Variants in ROBO2 observed in about 807,000 individuals in gnomAD.
The protein encoded by ROBO2 is roundabout homolog 2.
In ROBO2, 53 loss-of-function variants were observed where a neutral mutation model predicts 160.8. That is an observed-to-expected ratio of 0.33 (90% CI 0.26 to 0.41). ROBO2 has a LOEUF of 0.41. Among genes scored for constraint, ROBO2 ranks in the 10% least tolerant of loss-of-function variants. The pLI is 1.00. For synonymous variants in ROBO2, 664 were observed against 611.7 expected (o/e 1.09, Z -1.26); for missense variants, 1,577 against 1,722.4 (o/e 0.92, Z 1.49).
chr3:77,411,809 T>G (rs1581737179), intron 2 of ROBO2, among the ~76,000 whole-genome samples: 1 of 152,308 alleles, frequency 6.6e-6, no homozygotes, highest in East Asian at 1.9e-4. Context: ...AGGAGACAGG[T>G]ATGAGCATGG....
chr3:76,252,634 TA>T (rs891112666), intron 2 of ROBO2, among the ~76,000 whole-genome samples: 13 of 151,492 alleles, frequency 8.6e-5, no homozygotes, highest in South Asian at 6.2e-4. Flanking sequence ...AAATATCAAA[TA>T]AAAAAAGGTA....
At chr3:77,228,362 G>A (rs1013321653) in intron 2 of ROBO2, among the ~76,000 whole-genome samples, 1 of 151,800 alleles carries the variant, frequency 6.6e-6, no homozygotes, top group Non-Finnish European at 1.5e-5. Context: ...ATATTACAGA[G>A]AGTTTGCATT....
intron 2 of ROBO2, among the ~76,000 whole-genome samples, chr3:76,688,648 G>C (rs1237996044): frequency 6.6e-6 from 1 of 151,178 alleles, no homozygotes; most frequent in Non-Finnish European, 1.5e-5. Context: ...ACCAAGAACA[G>C]CGCAGTCCTA....
At chr3:77,590,395 G>T (rs2094151401) in intron 17 of ROBO2, among the ~76,000 whole-genome samples, 3 of 152,138 alleles carry the variant, frequency 2.0e-5, no homozygotes, top group Non-Finnish European at 4.4e-5. Flanking sequence ...GAGTGTCAGA[G>T]TCTGGAAAAT....
intron 2 of ROBO2, among the ~76,000 whole-genome samples, chr3:76,837,383 T>C (rs1422546131): frequency 2.6e-5 from 4 of 151,946 alleles, no homozygotes; most frequent in Admixed American, 1.3e-4. Flanking sequence ...ACTACCTACA[T>C]AGATATTTAA....
intron 2 of ROBO2, among the ~76,000 whole-genome samples, chr3:76,625,839 C>A (rs1364507644): frequency 2.0e-5 from 3 of 152,078 alleles, no homozygotes; most frequent in African/African-American, 7.2e-5. Context: ...AAATGGGAAA[C>A]CACTGAGAGA....
chr3:77,147,858 A>AACACACACTCCCTCCC (rs1432360978), intron 2 of ROBO2, among the ~76,000 whole-genome samples: 1 of 152,154 alleles, frequency 6.6e-6, no homozygotes, highest in Non-Finnish European at 1.5e-5. Flanking sequence ...GGCATTTAGA[A>AACACACACTCCCTCCC]ACACACACTC....
At chr3:77,591,087 T>C (rs2094170196) in intron 17 of ROBO2, among the ~76,000 whole-genome samples, 1 of 152,082 alleles carries the variant, frequency 6.6e-6, no homozygotes. Flanking sequence ...TTAATATGAG[T>C]GAGCAAATTA....
intron 2 of ROBO2, among the ~76,000 whole-genome samples, chr3:76,447,792 A>C (rs2077266619): frequency 6.6e-6 from 1 of 150,700 alleles, no homozygotes; most frequent in Non-Finnish European, 1.5e-5. Flanking sequence ...TATCACAAGG[A>C]CAAAAAACCA....
chr3:75,945,205 G>A (rs1349140042), intron 2 of ROBO2, among the ~76,000 whole-genome samples: 1 of 152,154 alleles, frequency 6.6e-6, no homozygotes. Context: ...CAGACAATGA[G>A]CCACATAAAT....
intron 2 of ROBO2, among the ~76,000 whole-genome samples, chr3:76,263,053 A>G (rs962371330): frequency 6.6e-6 from 1 of 152,146 alleles, no homozygotes; most frequent in Non-Finnish European, 1.5e-5. Context: ...GATAGACCCA[A>G]GAAATCTCCC....
At chr3:76,631,760 C>A (rs2090046023) in intron 2 of ROBO2, among the ~76,000 whole-genome samples, 1 of 152,092 alleles carries the variant, frequency 6.6e-6, no homozygotes, top group South Asian at 2.1e-4. Context: ...AACCTGGCTT[C>A]TTGGTCGGTT....
chr3:76,000,245 T>C (rs982113651), intron 2 of ROBO2, among the ~76,000 whole-genome samples: 1 of 152,138 alleles, frequency 6.6e-6, no homozygotes, highest in East Asian at 1.9e-4. Context: ...AAGATGACGC[T>C]AAGAGAGAAT....
intron 2 of ROBO2, among the ~76,000 whole-genome samples, chr3:77,164,976 G>A (rs1185881542): frequency 6.7e-6 from 1 of 149,126 alleles, no homozygotes; most frequent in African/African-American, 2.5e-5. Context: ...CGCCCCGTCC[G>A]GGAGGTGAGG....
At chr3:77,032,244 A>G (rs2063369545) in intron 2 of ROBO2, among the ~76,000 whole-genome samples, 2 of 152,166 alleles carry the variant, frequency 1.3e-5, no homozygotes. Context: ...TGGCGAATAC[A>G]TTAGCCTATC....
chr3:77,221,904 C>T (rs2085868098), intron 2 of ROBO2, among the ~76,000 whole-genome samples: 2 of 141,564 alleles, frequency 1.4e-5, no homozygotes, highest in Non-Finnish European at 1.5e-5. Context: ...CCAGTCTGTA[C>T]TGCAGTGGCA....
intron 2 of ROBO2, among the ~76,000 whole-genome samples, chr3:76,618,357 T>C (rs1176171112): frequency 1.3e-5 from 2 of 151,450 alleles, no homozygotes; most frequent in Non-Finnish European, 2.9e-5. Context: ...TCACAAATAC[T>C]GTTTCATTAA....
intron 6 of ROBO2, among the ~76,000 whole-genome samples, chr3:77,535,005 A>AG (rs1366208906): frequency 3.3e-5 from 5 of 152,194 alleles, no homozygotes; most frequent in Admixed American, 3.3e-4. Context: ...TAATGGTAAC[A>AG]GGCCAATCAC....
chr3:77,429,636 C>A (rs931027164), intron 2 of ROBO2, among the ~76,000 whole-genome samples: 5 of 148,454 alleles, frequency 3.4e-5, no homozygotes, highest in African/African-American at 1.0e-4. Flanking sequence ...TTTAAATGCA[C>A]TCAGTATTTC....
Sources: allele counts gnomAD v4.1 joint callset (sites outside exome capture counted in the v4.1 genomes callset), GRCh38; gene constraint gnomAD v4.1.1; transcripts MANE v1.5; gene names NCBI Gene and HGNC (gene_info 2026-07-23, HGNC 2026-07-21).